LIMD1: variants seen among roughly 807,000 people sequenced by gnomAD.
LIMD1 encodes LIM domain containing 1.
Under a neutral mutation model 58.4 loss-of-function variants are expected in LIMD1, and 23 were observed. The ratio of observed to expected loss-of-function variants is 0.39; its 90% confidence interval spans 0.28 to 0.56. The LOEUF (loss-of-function observed/expected upper bound fraction) is 0.56. Among genes scored for constraint, LIMD1 ranks in the 20% least tolerant of loss-of-function variants. LIMD1 has a pLI of 0.57. For missense variants in LIMD1, 838 were observed against 855.5 expected (o/e 0.98, Z 0.25); for synonymous variants, 334 against 345.5 (o/e 0.97, Z 0.37).
intron 2 of LIMD1, among the ~76,000 whole-genome samples, chr3:45,640,736 G>A (rs1051065455): frequency 3.3e-5 from 5 of 152,270 alleles, no homozygotes; most frequent in Middle Eastern, 3.4e-3. Flanking sequence ...AACCCTTGTT[G>A]GTGTTATTAC....
At position 45,677,623 on chromosome 3, in the gene LIMD1, CT is replaced by C. The variant is rs1697688132; in HGVS notation, c.*567del. 1 of 152,414 alleles carries C rather than the reference CT, an allele frequency of 6.6e-6. No individual in the cohort carries two copies. The highest frequency in any genetic ancestry group is 1.5e-5 in the Non-Finnish European group (1 of 68,212). The allele number at this position is 152,414 out of a possible 1,614,324, so 9.4% of individuals were successfully genotyped here. A position where few individuals can be genotyped will look rare whatever the true frequency, so the allele number is the denominator to read the frequency against. On this transcript the variant is annotated 3_prime_UTR_variant, in exon 8 of 8. Transcript: ENST00000273317. ...GGCAAGAAGGAAGCTCTAATGTGTG[CT>C]TTGTATCCTAAGATAAATTTGCTTA...
At chr3:45,633,425 A>G (rs565568795) in intron 1 of LIMD1, among the ~76,000 whole-genome samples, 1 of 152,216 alleles carries the variant, frequency 6.6e-6, no homozygotes, top group Non-Finnish European at 1.5e-5. Context: ...AATAAGCCTA[A>G]GCAAATAAAT....
intron 1 of LIMD1, among the ~76,000 whole-genome samples, chr3:45,627,879 A>G (rs1032760045): frequency 1.3e-5 from 2 of 151,826 alleles, no homozygotes; most frequent in African/African-American, 2.4e-5. Flanking sequence ...ATGGTGTTGC[A>G]CGCCTGTAGT....
intron 1 of LIMD1, among the ~76,000 whole-genome samples, chr3:45,596,926 A>G (rs1417571360): frequency 1.3e-5 from 2 of 151,126 alleles, no homozygotes; most frequent in Non-Finnish European, 2.9e-5. Flanking sequence ...CAGTGGCACA[A>G]TCTCGGCTCA....
intron 2 of LIMD1, among the ~76,000 whole-genome samples, chr3:45,642,898 G>A (rs184614127): frequency 2.2e-3 from 333 of 152,280 alleles, no homozygotes; most frequent in African/African-American, 7.4e-3. Context: ...TTTGGTTGCC[G>A]TGGAGATGAG....
At chr3:45,660,059 T>G (rs1697408625) in intron 2 of LIMD1, among the ~76,000 whole-genome samples, 1 of 152,252 alleles carries the variant, frequency 6.6e-6, no homozygotes, top group South Asian at 2.1e-4. Context: ...ATCTTCGCCC[T>G]ATTACACAAA....
At chr3:45,625,441 A>G (rs1031833711) in intron 1 of LIMD1, among the ~76,000 whole-genome samples, 21 of 151,914 alleles carry the variant, frequency 1.4e-4, no homozygotes, top group Admixed American at 1.3e-4. Flanking sequence ...TTTACCTAGA[A>G]CACCTTCCTG....
Position 45,617,917 on chromosome 3 carries a change from T to C in LIMD1, c.1409-18233T>C, listed in dbSNP as rs1254988615. ...CTCTTTTCCTTCTCTGGTATAGCCTTCCTCCTCTTTGGTGAATGCAGATTC... is the reference window on the plus strand; with the variant it reads ...CTCTTTTCCTTCTCTGGTATAGCCTCCCTCCTCTTTGGTGAATGCAGATTC... On this transcript the variant is annotated intron_variant, in intron 1 of 7. Coordinates refer to ENST00000273317, the MANE Select transcript of LIMD1 (RefSeq NM_014240.3). Among the ~76,000 whole-genome samples, 2 of 152,234 alleles carry C rather than the reference T, an allele frequency of 1.3e-5. 1 individual carries two copies. Among genetic ancestry groups the C allele is most frequent in the Middle Eastern group, 6.4e-3 (2 of 314 alleles).
At chr3:45,643,484 C>CAA (rs571819225) in intron 2 of LIMD1, among the ~76,000 whole-genome samples, 12 of 121,486 alleles carry the variant, frequency 9.9e-5, no homozygotes, top group African/African-American at 1.6e-4. Context: ...GACTCTGTCT[C>CAA]AAAAAAAAAA....
At chr3:45,601,535 T>A (rs1701412914) in intron 1 of LIMD1, among the ~76,000 whole-genome samples, 2 of 152,164 alleles carry the variant, frequency 1.3e-5, no homozygotes, top group South Asian at 4.1e-4. Context: ...TGGGGGCAGG[T>A]AGGAGCGGGT....
chr3:45,654,829 A>G (rs79859251), intron 2 of LIMD1, among the ~76,000 whole-genome samples: 35,353 of 145,690 alleles, frequency 0.24, 5,191 homozygotes, highest in East Asian at 0.53. Flanking sequence ...AAAAAAAAAA[A>G]AAAAAGAAAA....
intron 1 of LIMD1, among the ~76,000 whole-genome samples, chr3:45,631,068 G>A (rs1409311011): frequency 6.6e-6 from 1 of 152,126 alleles, no homozygotes; most frequent in Non-Finnish European, 1.5e-5. Context: ...GTCAGGCATG[G>A]TGGTGCACAA....
At chr3:45,608,839 C>CAAAAAA (rs60750700) in intron 1 of LIMD1, among the ~76,000 whole-genome samples, 109 of 102,518 alleles carry the variant, frequency 1.1e-3, no homozygotes, top group Non-Finnish European at 1.3e-3. Flanking sequence ...GACTCGGTAT[C>CAAAAAA]AAAAAAAAAA....
chr3:45,612,769 T>A (rs1264337411), intron 1 of LIMD1: 1 of 152,268 alleles, frequency 6.6e-6, no homozygotes, highest in Non-Finnish European at 1.5e-5. Flanking sequence ...TGGATTCATA[T>A]AGTATTTATA....
In LIMD1 at chr3:45,595,206, C is replaced by T. The variant is rs768165772; in HGVS notation, c.327C>T (p.Ala109=). The T allele has an allele frequency of 4.4e-6, 7 of 1,602,156 alleles. No individual in the cohort carries two copies. The East Asian group carries it at 8.9e-5, about 20-fold the overall frequency. Residue 109 remains alanine (A), a synonymous_variant, in exon 1 of 8, where the codon GCC becomes GCT. Transcript: ENST00000273317. Reference sequence around the variant, plus strand: ...GTGCTGCCAAGCCTCCTCTTGCTGCCTCGACAGGGGCACCTGGGGCAGTCA... The same window carrying T: ...GTGCTGCCAAGCCTCCTCTTGCTGCTTCGACAGGGGCACCTGGGGCAGTCA... ...VDGAAKPPLA[A]STGAPGAVTT...
At chr3:45,652,711 G>A (rs116067412) in intron 2 of LIMD1, among the ~76,000 whole-genome samples, 5,938 of 152,270 alleles carry the variant, frequency 0.039, 125 homozygotes, top group African/African-American at 0.059. Flanking sequence ...TGGGTGCCAG[G>A]CACTGTTCTT....
chr3:45,613,779 T>C (rs1194585423), intron 1 of LIMD1, among the ~76,000 whole-genome samples: 1 of 152,194 alleles, frequency 6.6e-6, no homozygotes, highest in East Asian at 1.9e-4. Flanking sequence ...ATTATAGGCA[T>C]GAGCCACTGC....
At chr3:45,658,725 T>G (rs1429464331) in intron 2 of LIMD1, among the ~76,000 whole-genome samples, 1 of 151,572 alleles carries the variant, frequency 6.6e-6, no homozygotes, top group Non-Finnish European at 1.5e-5. Flanking sequence ...CTGGCTAATT[T>G]TGTATTTTTA....
chr3:45,672,997 T>C (rs1697613363), intron 5 of LIMD1, among the ~76,000 whole-genome samples, 177 bp downstream of exon 5: 2 of 151,224 alleles, frequency 1.3e-5, no homozygotes, highest in South Asian at 4.2e-4. Context: ...TCGATGCCAG[T>C]GTTGACAGGA....
Sources: gnomAD v4.1 joint callset for allele counts (sites outside exome capture counted in the v4.1 genomes callset) on GRCh38, gnomAD v4.1.1 for gene constraint, MANE v1.5 for transcripts, NCBI Gene and HGNC (gene_info 2026-07-23, HGNC 2026-07-21) for gene names.